NEGR1: variants seen among roughly 807,000 people sequenced by gnomAD.
The protein encoded by NEGR1 is neuronal growth regulator 1.
In NEGR1, 10 loss-of-function variants were observed where a neutral mutation model predicts 40.9. The ratio of observed to expected loss-of-function variants is 0.24; its 90% CI spans 0.15 to 0.42. The LOEUF is 0.42. Ranked by LOEUF, NEGR1 falls within the 10% of genes least tolerant of loss-of-function variation. NEGR1 has a pLI of 1.00. For missense variants in NEGR1, 352 were observed against 438.9 expected, an observed-to-expected ratio of 0.80 and a Z score of 1.77; for synonymous variants, 185 against 166.8, an observed-to-expected ratio of 1.11 and a Z score of -0.84.
intron 4 of NEGR1, among the ~76,000 whole-genome samples, chr1:71,654,412 C>T (rs994357545): frequency 1.3e-4 from 20 of 151,904 alleles, no homozygotes; most frequent in East Asian, 1.2e-3. Flanking sequence ...TTAATAATAC[C>T]GAAAGCTAGG....
chr1:71,782,991 A>ATT (rs57359688), intron 2 of NEGR1, among the ~76,000 whole-genome samples: 1 of 146,514 alleles, frequency 6.8e-6, no homozygotes, highest in African/African-American at 2.5e-5. Context: ...TGGTCTCAGT[A>ATT]TTTTTTTTTT....
At chr1:71,985,388 T>G (rs1057004516) in intron 1 of NEGR1, among the ~76,000 whole-genome samples, 2 of 152,214 alleles carry the variant, frequency 1.3e-5, no homozygotes, top group Admixed American at 1.3e-4. Flanking sequence ...TTCAAATCAC[T>G]GTGGTAAGCA....
chr1:71,688,325 T>TATATAGATAA (rs1475341609), intron 4 of NEGR1, among the ~76,000 whole-genome samples: 1 of 103,234 alleles, frequency 9.7e-6, no homozygotes, highest in African/African-American at 3.7e-5. Flanking sequence ...TATATATATA[T>TATATAGATAA]ATAGATAGAT....
chr1:71,998,370 T>C (rs529392862), intron 1 of NEGR1, among the ~76,000 whole-genome samples: 2 of 152,106 alleles, frequency 1.3e-5, no homozygotes, highest in Admixed American at 6.5e-5. Context: ...AATTCTATTA[T>C]ATACTTGTAT....
chr1:71,557,971 C>G lies in NEGR1; in HGVS notation c.940+34846G>C, dbSNP rs1216298882. 1.3e-4 allele frequency among the ~76,000 whole-genome samples: 19 copies of G among 151,290 alleles called. No individual in the cohort carries two copies. The Admixed American group carries it at 1.3e-3, about 10-fold the overall frequency. On this transcript the variant is annotated intron_variant, in intron 6 of 6. Coordinates refer to ENST00000357731, the MANE Select transcript of NEGR1 (RefSeq NM_173808.3). ...ACTGGTTGGATTTTTGCAGAAAGCC[C>G]CTCTATTTGGATTTCTCTGATATTT...
intron 6 of NEGR1, among the ~76,000 whole-genome samples, chr1:71,541,753 C>A (rs1300128605): frequency 6.6e-6 from 1 of 151,672 alleles, no homozygotes; most frequent in Non-Finnish European, 1.5e-5. Context: ...AAACCAATGC[C>A]AGCAGAAAAC....
At chr1:72,019,911 A>G (rs551779812) in intron 1 of NEGR1, among the ~76,000 whole-genome samples, 2 of 152,352 alleles carry the variant, frequency 1.3e-5, no homozygotes, top group African/African-American at 4.8e-5. Context: ...TTATGTGGCT[A>G]ACTATGAGCC....
At chr1:71,475,659 T>G (rs1261244616) in intron 6 of NEGR1, among the ~76,000 whole-genome samples, 1 of 152,038 alleles carries the variant, frequency 6.6e-6, no homozygotes, top group Admixed American at 6.6e-5. Flanking sequence ...GATGAGAGAT[T>G]TCACACATAT....
chr1:72,216,476 C>A (rs1653825872), intron 1 of NEGR1, among the ~76,000 whole-genome samples: 1 of 146,918 alleles, frequency 6.8e-6, no homozygotes, highest in South Asian at 2.1e-4. Flanking sequence ...AATATATTTT[C>A]ATTTATGAAT....
chr1:72,051,193 A>C (rs1427014865), intron 1 of NEGR1, among the ~76,000 whole-genome samples: 2 of 151,500 alleles, frequency 1.3e-5, no homozygotes, highest in African/African-American at 4.8e-5. Context: ...TGTAATGCAC[A>C]CCAAGATTAT....
intron 3 of NEGR1, among the ~76,000 whole-genome samples, chr1:71,749,645 G>A (rs1027918788): frequency 6.6e-6 from 1 of 152,050 alleles, no homozygotes; most frequent in Non-Finnish European, 1.5e-5. Context: ...AGCTACTCTC[G>A]TCTTAGGTAA....
intron 6 of NEGR1, among the ~76,000 whole-genome samples, chr1:71,489,068 G>A (rs898419013): frequency 6.6e-6 from 1 of 151,538 alleles, no homozygotes; most frequent in Non-Finnish European, 1.5e-5. Context: ...TGTTTTTCCT[G>A]TTGGAGAATT....
intron 2 of NEGR1, among the ~76,000 whole-genome samples, chr1:71,844,914 G>A (rs1659355585): frequency 6.6e-6 from 1 of 152,122 alleles, no homozygotes; most frequent in African/African-American, 2.4e-5. Context: ...GGACTATCCA[G>A]GATATAGTCA....
rs77102984 is a variant in NEGR1 at position 72,029,503 on chromosome 1, C to T, written c.177-94192G>A. 0.012 allele frequency among the ~76,000 whole-genome samples: 1,892 copies of T among 152,224 alleles called. 153 individuals carry two copies. In the East Asian group the frequency reaches 0.22, roughly 18 times the overall value. On this transcript the variant is annotated intron_variant, in intron 1 of 6. Transcript: ENST00000357731. The stretch of plus-strand genomic sequence containing the variant: ...TGACACTCATAGAATGGATCATTAA[C>T]GATCTATCCAGTATTGTGTGCCTGT...
At chr1:71,662,245 A>C (rs1652083596) in intron 4 of NEGR1, among the ~76,000 whole-genome samples, 1 of 152,182 alleles carries the variant, frequency 6.6e-6, no homozygotes, top group African/African-American at 2.4e-5. Flanking sequence ...ATCTCACAAT[A>C]ATTGGGAAAG....
At chr1:72,267,255 C>G (rs1655677820) in intron 1 of NEGR1, among the ~76,000 whole-genome samples, 1 of 151,020 alleles carries the variant, frequency 6.6e-6, no homozygotes, top group Non-Finnish European at 1.5e-5. Context: ...AGGACCCCAT[C>G]TTACATACAA....
chr1:71,854,868 G>T (rs987544618), intron 2 of NEGR1, among the ~76,000 whole-genome samples: 46 of 152,110 alleles, frequency 3.0e-4, no homozygotes, highest in African/African-American at 2.4e-4. Context: ...GACACATGGG[G>T]ATTATGGGAA....
chr1:71,407,849 T>C, intron 6 of NEGR1: 1 of 331,456 alleles, frequency 3.0e-6, no homozygotes, highest in Non-Finnish European at 5.7e-6. Context: ...TACAGCATAT[T>C]ACATCAACTA....
intron 1 of NEGR1, among the ~76,000 whole-genome samples, chr1:72,076,317 G>A (rs1305477038): frequency 6.6e-6 from 1 of 152,096 alleles, no homozygotes. Flanking sequence ...GAAGATAATA[G>A]TGCAAATACA....
Sources: gnomAD v4.1 joint callset for allele counts (sites outside exome capture counted in the v4.1 genomes callset) on GRCh38, gnomAD v4.1.1 for gene constraint, MANE v1.5 for transcripts, NCBI Gene and HGNC (gene_info 2026-07-23, HGNC 2026-07-21) for gene names.